The following TMCO6 variants were observed in gnomAD, a reference collection of about 807,000 sequenced individuals.
TMCO6 encodes transmembrane and coiled-coil domains 6.
In TMCO6, 47 loss-of-function variants were observed where a neutral mutation model predicts 61.8. That is an observed-to-expected ratio of 0.76 (90% CI 0.60 to 0.97). TMCO6 has a LOEUF of 0.97. Ranked by LOEUF, TMCO6 falls within the 50% of genes least tolerant of loss-of-function variation. TMCO6 has a pLI of 0.00. For missense variants in TMCO6, 557 were observed against 601.6 expected, an observed-to-expected ratio of 0.93 and a Z score of 0.78; for synonymous variants, 261 against 254.2, an observed-to-expected ratio of 1.03 and a Z score of -0.25.
At chr5:140,617,170 A>G in the TMCO6 span, among the ~76,000 whole-genome samples, 1 of 152,238 alleles carries the variant, frequency 6.6e-6, no homozygotes, top group Non-Finnish European at 1.5e-5. Context: ...TAACACCTGT[A>G]GTCCCAGCAC....
At chr5:140,645,473 G>A, downstream of TMCO6, 1 of 1,385,294 alleles carries the variant, frequency 7.2e-7, no homozygotes, top group Non-Finnish European at 1.0e-6. Context: ...CCCTGAGAAA[G>A]TATTTTACAG....
At chr5:140,635,609 G>A (rs1294029760), upstream of TMCO6, among the ~76,000 whole-genome samples, 4 of 152,170 alleles carry the variant, frequency 2.6e-5, no homozygotes, top group African/African-American at 2.4e-5. Flanking sequence ...TTTGTCTACC[G>A]AGTACTAGGG....
chr5:140,644,557 A>G lies in TMCO6; in HGVS notation c.1201-16A>G. The G allele has an allele frequency of 2.5e-6, 4 of 1,612,054 alleles. No individual in the cohort carries two copies. The highest frequency in any genetic ancestry group is 3.4e-6 in the Non-Finnish European group (4 of 1,178,740). On this transcript the variant is annotated splice_polypyrimidine_tract_variant and intron_variant, in intron 10 of 11. Transcript: ENST00000394671. Reference sequence around the variant, plus strand: ...GTGTTTCATTCTTTGTAGACTATATATGTGTCTATCTGCAGGTGCTCACAG... The same window carrying G: ...GTGTTTCATTCTTTGTAGACTATATGTGTGTCTATCTGCAGGTGCTCACAG...
chr5:140,598,149 C>T, the TMCO6 span, among the ~76,000 whole-genome samples: 3 of 152,012 alleles, frequency 2.0e-5, no homozygotes, highest in South Asian at 6.2e-4. Flanking sequence ...ACAAGTGCTT[C>T]ATAACTTTAT....
chr5:140,600,101 T>TC, the TMCO6 span, among the ~76,000 whole-genome samples: 2 of 152,142 alleles, frequency 1.3e-5, no homozygotes, highest in Non-Finnish European at 2.9e-5. Flanking sequence ...GGCACTTCTC[T>TC]CCCCATTGAA....
In TMCO6 at chr5:140,643,031, A is replaced by G. The variant is rs778448688; in HGVS notation, c.796A>G (p.Ile266Val). 1 of 1,614,156 alleles carries G rather than the reference A, an allele frequency of 6.2e-7. No individual in the cohort carries two copies. Among genetic ancestry groups the G allele is most frequent in the South Asian group, 1.1e-5 (1 of 91,082 alleles). Reference protein sequence around the residue: ...AVEFAWCLHYIICSQVSNPLL... With the variant: ...AVEFAWCLHYVICSQVSNPLL... The stretch of plus-strand genomic sequence containing the variant: ...GGAGTTTGCCTGGTGCCTTCATTAC[A>G]TCATCTGCAGGTAACAGGGCAATTG... The change falls in exon 7 of 12, where the codon ATC becomes GTC. Residue 266 changes from isoleucine to valine, a missense_variant. Ile to Val is a conservative substitution (Grantham distance 29). Transcript: ENST00000394671.
At chr5:140,602,669 C>T in the TMCO6 span, among the ~76,000 whole-genome samples, 1 of 151,870 alleles carries the variant, frequency 6.6e-6, no homozygotes, top group Non-Finnish European at 1.5e-5. Flanking sequence ...GAGGCTGAGG[C>T]AGGAGAATCG....
chr5:140,645,965 A>G (rs1275442633), downstream of TMCO6, among the ~76,000 whole-genome samples: 3 of 151,118 alleles, frequency 2.0e-5, no homozygotes, highest in African/African-American at 4.9e-5. Context: ...ACGGTGAGCA[A>G]TGTATTGCAT....
At chr5:140,611,482 C>T in the TMCO6 span, among the ~76,000 whole-genome samples, 3 of 152,154 alleles carry the variant, frequency 2.0e-5, no homozygotes, top group African/African-American at 7.2e-5. Flanking sequence ...GTTTTACTGT[C>T]TGCGCTTTGT....
At chr5:140,607,597 A>G in the TMCO6 span, among the ~76,000 whole-genome samples, 5 of 152,178 alleles carry the variant, frequency 3.3e-5, no homozygotes, top group Non-Finnish European at 7.4e-5. Flanking sequence ...AATTAATTAT[A>G]TATTTAACTT....
At chr5:140,632,526 G>T in the TMCO6 span, 10 of 1,614,160 alleles carry the variant, frequency 6.2e-6, no homozygotes, top group East Asian at 2.2e-5. This position sits in a 1 kb window ranked among gnomAD's most constrained non-coding sequence, Gnocchi z 6.2. Flanking sequence ...TGTCGCCCAC[G>T]ACACGTTGCG....
At chr5:140,644,295 G>C in intron 10 of TMCO6, 101 bp downstream of exon 10, 2 of 1,306,172 alleles carry the variant, frequency 1.5e-6, no homozygotes, top group Non-Finnish European at 2.2e-6. Flanking sequence ...GCCAGCAGGT[G>C]GTGGTGTGTG....
chr5:140,602,829 G>T, the TMCO6 span, among the ~76,000 whole-genome samples: 1 of 151,826 alleles, frequency 6.6e-6, no homozygotes, highest in Non-Finnish European at 1.5e-5. Flanking sequence ...AAGAAAAATG[G>T]CCATGCGTGG....
At chr5:140,645,677 T>TG (rs779325708), downstream of TMCO6, 1 of 1,614,178 alleles carries the variant, frequency 6.2e-7, no homozygotes. Flanking sequence ...CTTGGCCAAA[T>TG]GCTGAAGAGA....
the TMCO6 span, among the ~76,000 whole-genome samples, chr5:140,613,344 G>A: frequency 2.8e-5 from 4 of 143,558 alleles, no homozygotes; most frequent in Admixed American, 7.2e-5. Flanking sequence ...AGCCGAGATC[G>A]TGCCACTGTA....
chr5:140,640,428 T>G (rs77123449), intron 2 of TMCO6, among the ~76,000 whole-genome samples: 1 of 151,744 alleles, frequency 6.6e-6, no homozygotes, highest in East Asian at 1.9e-4. Flanking sequence ...TTTTTTTTTT[T>G]GAGACTCTCG....
chr5:140,629,333 A>C, the TMCO6 span, among the ~76,000 whole-genome samples: 1 of 152,050 alleles, frequency 6.6e-6, no homozygotes. Context: ...AAATAAATAA[A>C]ATGTTGCAGT....
chr5:140,629,315 A>T, the TMCO6 span, among the ~76,000 whole-genome samples: 37 of 151,422 alleles, frequency 2.4e-4, no homozygotes, highest in East Asian at 7.0e-3. Context: ...AAAAAAAATA[A>T]TAATAATAAA....
the TMCO6 span, among the ~76,000 whole-genome samples, chr5:140,624,674 C>T: frequency 7.9e-5 from 12 of 151,194 alleles, no homozygotes; most frequent in East Asian, 1.6e-3. Context: ...CTCAGCCTCC[C>T]GAGTAGCTGG....
Sources: allele counts gnomAD v4.1 joint callset (sites outside exome capture counted in the v4.1 genomes callset), GRCh38; gene constraint gnomAD v4.1.1; non-coding constraint Gnocchi (gnomAD v3.1); transcripts MANE v1.5; gene names NCBI Gene and HGNC (gene_info 2026-07-23, HGNC 2026-07-21).